Variants in ANO2 observed in about 807,000 individuals in gnomAD.
ANO2 encodes anoctamin-2.
ANO2 carries 101 observed loss-of-function variants against 124.2 expected under a neutral mutation model. The observed-to-expected ratio is 0.81, with a 90% CI of 0.69 to 0.96. The LOEUF is 0.96. ANO2 is among the 40% of genes least tolerant of loss of function. The pLI is 0.00. For synonymous variants in ANO2, 486 were observed against 482.5 expected, an observed-to-expected ratio of 1.01 and a Z score of -0.09; for missense variants, 1,293 against 1,274.5, an observed-to-expected ratio of 1.01 and a Z score of -0.22.
chr12:5,646,292 T>G (rs1379341749), intron 15 of ANO2, among the ~76,000 whole-genome samples: 1 of 152,230 alleles, frequency 6.6e-6, no homozygotes, highest in Non-Finnish European at 1.5e-5. Flanking sequence ...TTTAGCCTGG[T>G]ATTACTTCCT....
chr12:5,776,341 G>A (rs570136148), intron 10 of ANO2, among the ~76,000 whole-genome samples: 1 of 152,154 alleles, frequency 6.6e-6, no homozygotes, highest in Admixed American at 6.6e-5. Context: ...CCAGGTCTTC[G>A]GCTACCATTG....
chr12:5,796,341 C>T (rs548083417), intron 10 of ANO2, among the ~76,000 whole-genome samples: 87 of 151,620 alleles, frequency 5.7e-4, no homozygotes, highest in African/African-American at 1.7e-3. Context: ...CACTCATGCA[C>T]GCTCACACTC....
At chr12:5,611,491 T>C (rs978766775) in intron 19 of ANO2, among the ~76,000 whole-genome samples, 4 of 152,176 alleles carry the variant, frequency 2.6e-5, no homozygotes, top group African/African-American at 7.2e-5. Flanking sequence ...TGGTGTCCCC[T>C]GCAAGTCCCC....
intron 14 of ANO2, among the ~76,000 whole-genome samples, chr12:5,713,914 A>T (rs548894826): frequency 1.3e-5 from 2 of 152,122 alleles, no homozygotes; most frequent in African/African-American, 4.8e-5. Context: ...CTGGTGATCC[A>T]CCTCAGGCCC....
chr12:5,847,871 GGAAAA>G (rs1158518501), intron 4 of ANO2, among the ~76,000 whole-genome samples: 2 of 152,116 alleles, frequency 1.3e-5, no homozygotes, highest in Admixed American at 1.3e-4. Flanking sequence ...TTTCTCTTCA[GGAAAA>G]GAAGATAACT....
At chr12:5,657,151 G>T (rs1307636079) in intron 14 of ANO2, among the ~76,000 whole-genome samples, 1 of 152,198 alleles carries the variant, frequency 6.6e-6, no homozygotes, top group South Asian at 2.1e-4. Flanking sequence ...GATAGGAGCT[G>T]GTCCCAGACA....
chr12:5,631,814 G>T (rs375290934), intron 16 of ANO2, among the ~76,000 whole-genome samples: 2 of 152,124 alleles, frequency 1.3e-5, no homozygotes, highest in Non-Finnish European at 2.9e-5. Flanking sequence ...GAGCACAGTG[G>T]GAAGAAAGTA....
intron 3 of ANO2, chr12:5,856,758 A>G (rs1955111283): frequency 6.6e-6 from 1 of 152,152 alleles, no homozygotes; most frequent in African/African-American, 2.4e-5. Flanking sequence ...ATGCCTTTAG[A>G]TTTTTACGTG....
intron 3 of ANO2, among the ~76,000 whole-genome samples, chr12:5,886,920 C>T (rs1938953402): frequency 6.6e-6 from 1 of 152,138 alleles, no homozygotes; most frequent in South Asian, 2.1e-4. Flanking sequence ...TGGTGGTTTC[C>T]AAGGCTGGGT....
At chr12:5,724,613 C>T (rs1301261604) in intron 14 of ANO2, among the ~76,000 whole-genome samples, 3 of 152,198 alleles carry the variant, frequency 2.0e-5, no homozygotes, top group Non-Finnish European at 2.9e-5. Context: ...AGGCGTCTGT[C>T]GTAAATGTTT....
At position 5,709,271 on chromosome 12, in the gene ANO2, C is replaced by G. The variant is rs1478250853; in HGVS notation, c.1545+23249G>C. Among the ~76,000 whole-genome samples the G allele has an allele frequency of 5.3e-5, 8 of 152,210 alleles. No individual in the cohort carries two copies. In the South Asian group the frequency reaches 1.7e-3, roughly 32 times the overall value. On this transcript the variant is annotated intron_variant, in intron 14 of 24. Transcript: ENST00000682330. The stretch of plus-strand genomic sequence containing the variant: ...TGGTTTTAACAGGGTCCATAGCTGT[C>G]CAGAAGAAAAACTATACTCTCCACT...
At chr12:5,693,504 T>C (rs1022907768) in intron 14 of ANO2, among the ~76,000 whole-genome samples, 3 of 152,176 alleles carry the variant, frequency 2.0e-5, no homozygotes, top group Admixed American at 2.0e-4. Flanking sequence ...CCCCACTCTG[T>C]CCCCGCCCCC....
intron 11 of ANO2, among the ~76,000 whole-genome samples, chr12:5,745,063 C>G (rs1370063177): frequency 1.3e-5 from 2 of 152,186 alleles, no homozygotes; most frequent in Non-Finnish European, 2.9e-5. Context: ...GTATTCCAAC[C>G]TATTCTTAGT....
chr12:5,590,065 C>T (rs2136866539), intron 20 of ANO2, among the ~76,000 whole-genome samples: 1 of 152,000 alleles, frequency 6.6e-6, no homozygotes, highest in African/African-American at 2.4e-5. Context: ...AGCAAAAGCA[C>T]CAGGGAGGAG....
At chr12:5,828,264 C>T (rs956247022) in intron 6 of ANO2, among the ~76,000 whole-genome samples, 36 of 152,002 alleles carry the variant, frequency 2.4e-4, no homozygotes, top group Admixed American at 2.0e-3. Flanking sequence ...GAGGGGCGGG[C>T]CCCCTCCCCC....
intron 10 of ANO2, among the ~76,000 whole-genome samples, chr12:5,795,416 C>G (rs1379142545): frequency 6.6e-6 from 1 of 152,186 alleles, no homozygotes; most frequent in Non-Finnish European, 1.5e-5. Context: ...ACCCCAGGAA[C>G]AGGTGGGAGT....
At chr12:5,831,194 A>C (rs938507543) in intron 5 of ANO2, among the ~76,000 whole-genome samples, 4 of 152,224 alleles carry the variant, frequency 2.6e-5, no homozygotes, top group African/African-American at 9.6e-5. Context: ...CAGGAGCCCC[A>C]GTCACTGGAA....
chr12:5,790,590 G>A (rs114614126), intron 10 of ANO2, among the ~76,000 whole-genome samples: 188 of 152,172 alleles, frequency 1.2e-3, no homozygotes, highest in African/African-American at 4.1e-3. Flanking sequence ...TCATTTTTGT[G>A]TAATCTGCTA....
At chr12:5,648,064 C>G (rs1390155995) in intron 14 of ANO2, among the ~76,000 whole-genome samples, 1 of 152,126 alleles carries the variant, frequency 6.6e-6, no homozygotes, top group African/African-American at 2.4e-5. Context: ...CTAGTTCAAC[C>G]ACTTATCAGC....
Sources: allele counts gnomAD v4.1 joint callset (sites outside exome capture counted in the v4.1 genomes callset), GRCh38; gene constraint gnomAD v4.1.1; transcripts MANE v1.5; gene names NCBI Gene and HGNC (gene_info 2026-07-23, HGNC 2026-07-21).